Variants in CNTNAP2 observed in about 807,000 individuals in gnomAD.
CNTNAP2 encodes contactin associated protein 2, also known as contactin-associated protein-like 2.
CNTNAP2 carries 98 observed loss-of-function variants against 155.2 expected under a neutral mutation model. The ratio of observed to expected loss-of-function variants is 0.63; its 90% CI spans 0.54 to 0.75. CNTNAP2 has a LOEUF of 0.75. Among genes scored for constraint, CNTNAP2 ranks in the 30% least tolerant of loss-of-function variants. CNTNAP2 has a pLI of 0.00. For missense variants in CNTNAP2, 1,727 were observed against 1,688.1 expected, an observed-to-expected ratio of 1.02 and a Z score of -0.40; for synonymous variants, 651 against 631.2, an observed-to-expected ratio of 1.03 and a Z score of -0.47.
intron 11 of CNTNAP2, among the ~76,000 whole-genome samples, chr7:147,517,305 T>TAGGGTC (rs1562976325): frequency 6.6e-6 from 1 of 152,212 alleles, no homozygotes; most frequent in South Asian, 2.1e-4. Flanking sequence ...CTGTTAGGGT[T>TAGGGTC]AGGGTCTTAT....
chr7:147,832,891 G>T (rs1725271885), intron 13 of CNTNAP2, among the ~76,000 whole-genome samples: 1 of 147,180 alleles, frequency 6.8e-6, no homozygotes, highest in Non-Finnish European at 1.5e-5. Context: ...AGAATTATAT[G>T]TAATTAGGCT....
chr7:147,850,407 A>G (rs547539721), intron 13 of CNTNAP2, among the ~76,000 whole-genome samples: 4 of 152,352 alleles, frequency 2.6e-5, no homozygotes, highest in African/African-American at 9.6e-5. Flanking sequence ...ACAGAATTGG[A>G]AAAAACTGCT....
At chr7:146,148,092 C>A (rs1797981679) in intron 1 of CNTNAP2, among the ~76,000 whole-genome samples, 1 of 152,004 alleles carries the variant, frequency 6.6e-6, no homozygotes, top group Admixed American at 6.6e-5. Context: ...TTGTTTAGTG[C>A]AGATTTTACT....
At chr7:146,425,163 T>G (rs188619543) in intron 1 of CNTNAP2, among the ~76,000 whole-genome samples, 1 of 152,204 alleles carries the variant, frequency 6.6e-6, no homozygotes, top group African/African-American at 2.4e-5. Flanking sequence ...ATGATGTTTT[T>G]AATTTACCTT....
intron 1 of CNTNAP2, among the ~76,000 whole-genome samples, chr7:146,373,246 C>T (rs1167613277): frequency 1.3e-5 from 2 of 152,120 alleles, no homozygotes; most frequent in African/African-American, 2.4e-5. Flanking sequence ...GAAGTGGACA[C>T]GATTCTCTTC....
intron 15 of CNTNAP2, among the ~76,000 whole-genome samples, chr7:148,094,290 G>A (rs1803913776): frequency 6.6e-6 from 1 of 152,202 alleles, no homozygotes; most frequent in Non-Finnish European, 1.5e-5. Flanking sequence ...TAAGTGCATA[G>A]CACAGTAAAT....
At chr7:147,330,657 C>T (rs935784496) in intron 9 of CNTNAP2, among the ~76,000 whole-genome samples, 2 of 152,142 alleles carry the variant, frequency 1.3e-5, no homozygotes, top group African/African-American at 4.8e-5. Context: ...TACTCCCAAA[C>T]TTATAACATC....
intron 14 of CNTNAP2, among the ~76,000 whole-genome samples, chr7:147,949,210 A>G (rs1383060166): frequency 6.6e-6 from 1 of 151,748 alleles, no homozygotes; most frequent in Non-Finnish European, 1.5e-5. Context: ...AAAAAAAAAG[A>G]AAAGAAAAAA....
chr7:147,656,611 A>T (rs1795528484), intron 13 of CNTNAP2, among the ~76,000 whole-genome samples: 1 of 152,228 alleles, frequency 6.6e-6, no homozygotes, highest in African/African-American at 2.4e-5. Context: ...CTATGGGCAC[A>T]GTTAATGGCA....
chr7:146,798,488 T>C (rs1802811528), intron 2 of CNTNAP2, among the ~76,000 whole-genome samples: 1 of 151,958 alleles, frequency 6.6e-6, no homozygotes, highest in Non-Finnish European at 1.5e-5. Context: ...ATTACAGGTG[T>C]GCACCATCAG....
At chr7:147,062,771 T>C (rs1474290685) in intron 4 of CNTNAP2, among the ~76,000 whole-genome samples, 1 of 152,214 alleles carries the variant, frequency 6.6e-6, no homozygotes, top group African/African-American at 2.4e-5. Flanking sequence ...CTGTTTGTAC[T>C]TCCTATATTC....
chr7:146,683,856 A>T (rs568743402), intron 1 of CNTNAP2, among the ~76,000 whole-genome samples: 5 of 152,320 alleles, frequency 3.3e-5, no homozygotes, highest in African/African-American at 1.2e-4. Flanking sequence ...ATATGTACAA[A>T]TATTGCCCTG....
chr7:147,943,027 ACT>A (rs1049380421), intron 14 of CNTNAP2, among the ~76,000 whole-genome samples: 5 of 148,682 alleles, frequency 3.4e-5, no homozygotes, highest in Non-Finnish European at 5.9e-5. Context: ...ACAAAGCGAG[ACT>A]CCATCTCAAA....
chr7:146,281,792 T>TAA (rs112028494), intron 1 of CNTNAP2, among the ~76,000 whole-genome samples: 115 of 140,406 alleles, frequency 8.2e-4, no homozygotes, highest in African/African-American at 2.7e-3. Context: ...AGATTCCATC[T>TAA]AAAAAAAAAA....
At position 148,383,666 on chromosome 7, in the gene CNTNAP2, C is replaced by G. The variant is rs1045386195; in HGVS notation, c.3493C>G (p.Gln1165Glu). ...GKVIETGKID[Q>E]EIHKYNTPGF... ...TCTTTTAGAAACAGGGAAAATTGAC[C>G]AAGAGATTCACAAATACAACACCCC... The change falls in exon 22 of 24, where the codon CAA becomes GAA. Residue 1165 changes from glutamine to glutamate, a missense_variant. Coordinates refer to ENST00000361727, the MANE Select transcript of CNTNAP2 (RefSeq NM_014141.6). 10 of 1,613,916 alleles carry G rather than the reference C, an allele frequency of 6.2e-6. No homozygotes were observed. Among genetic ancestry groups the G allele is most frequent in the Admixed American group, 1.7e-5 (1 of 59,988 alleles).
chr7:147,737,264 C>A (rs1237333702), intron 13 of CNTNAP2, among the ~76,000 whole-genome samples: 1 of 152,166 alleles, frequency 6.6e-6, no homozygotes, highest in Non-Finnish European at 1.5e-5. Flanking sequence ...AGCTGCAGGT[C>A]TGTTGGAGTT....
At chr7:147,472,863 C>A (rs746585485) in intron 10 of CNTNAP2, among the ~76,000 whole-genome samples, 1 of 152,152 alleles carries the variant, frequency 6.6e-6, no homozygotes, top group African/African-American at 2.4e-5. Flanking sequence ...CATATTCACC[C>A]AGCAATGCCT....
chr7:148,043,621 CTCCCTATATTTCCCTTTCT>C (rs1331069412), intron 15 of CNTNAP2, among the ~76,000 whole-genome samples: 1 of 152,212 alleles, frequency 6.6e-6, no homozygotes, highest in Non-Finnish European at 1.5e-5. Context: ...TTCTATTTCT[CTCCCTATATTTCCCTTTCT>C]TCCTATTTTA....
intron 9 of CNTNAP2, among the ~76,000 whole-genome samples, chr7:147,329,821 TCA>T (rs1795524795): frequency 1.3e-5 from 2 of 152,202 alleles, no homozygotes; most frequent in African/African-American, 4.8e-5. Flanking sequence ...AGGTCCTTTG[TCA>T]CGGTGCACTT....
Sources: gnomAD v4.1 joint callset for allele counts (sites outside exome capture counted in the v4.1 genomes callset) on GRCh38, gnomAD v4.1.1 for gene constraint, MANE v1.5 for transcripts, NCBI Gene and HGNC (gene_info 2026-07-23, HGNC 2026-07-21) for gene names.